SHANK2: variants seen among roughly 807,000 people sequenced by gnomAD.
SHANK2 encodes SH3 and multiple ankyrin repeat domains protein 2.
SHANK2 carries 43 observed loss-of-function variants against 133.7 expected under a neutral mutation model. That is an observed-to-expected ratio of 0.32 (90% CI 0.25 to 0.41). SHANK2 has a LOEUF of 0.41. SHANK2 is among the 10% of genes least tolerant of loss of function. SHANK2 has a pLI of 1.00. For synonymous variants in SHANK2, 1,017 were observed against 952.8 expected, an observed-to-expected ratio of 1.07 and a Z score of -1.24; for missense variants, 1,994 against 2,235.8, an observed-to-expected ratio of 0.89 and a Z score of 2.18.
chr11:70,485,240 A>G lies in SHANK2; in HGVS notation c.4979+74T>C. On this transcript the variant is annotated intron_variant, in intron 25 of 25. Transcript: ENST00000601538. This position sits in a 1 kb window ranked among gnomAD's most constrained non-coding sequence, Gnocchi z 5.8. ...CCTCTTCGTGTCCGCTGGGGCTGCT[A>G]CCCGAGGGCCTTTCCTGGTCAGCAG... 1 of 1,303,378 alleles carries G rather than the reference A, an allele frequency of 7.7e-7. No homozygotes were observed. Among genetic ancestry groups the G allele is most frequent in the Non-Finnish European group, 1.1e-6 (1 of 905,294 alleles). 80.7% of individuals were successfully genotyped at this position (1,303,378 alleles called of 1,614,324 possible).
At chr11:71,079,928 A>G in intron 8 of SHANK2, among the ~76,000 whole-genome samples, 1 of 123,670 alleles carries the variant, frequency 8.1e-6, no homozygotes, top group Admixed American at 8.0e-5. Context: ...AGGGGAGGGA[A>G]GGAGAGGAGA....
At chr11:70,699,434 C>G (rs1303731019) in intron 14 of SHANK2, among the ~76,000 whole-genome samples, 8 of 152,086 alleles carry the variant, frequency 5.3e-5, no homozygotes, top group Non-Finnish European at 1.0e-4. Context: ...AGACATAAAA[C>G]ATAGCAGCTC....
chr11:70,740,683 C>A (rs1946504843), intron 14 of SHANK2, among the ~76,000 whole-genome samples: 1 of 152,158 alleles, frequency 6.6e-6, no homozygotes, highest in South Asian at 2.1e-4. Flanking sequence ...GGTCTTTTGT[C>A]ACTTAAGCAG....
intron 17 of SHANK2, chr11:70,646,093 T>G (rs890158871): frequency 1.1e-4 from 16 of 152,242 alleles, no homozygotes; most frequent in Admixed American, 9.2e-4. Context: ...CCCAGAGCTG[T>G]GTGGACCCCC....
At chr11:71,146,831 A>C (rs1241217124) in intron 3 of SHANK2, among the ~76,000 whole-genome samples, 1 of 151,930 alleles carries the variant, frequency 6.6e-6, no homozygotes, top group Non-Finnish European at 1.5e-5. Context: ...CACCTCTGGG[A>C]CTCTTGCTTC....
Position 70,734,226 on chromosome 11 carries a change from C to T in SHANK2, c.1778-35463G>A, listed in dbSNP as rs574394490. Among the ~76,000 whole-genome samples, 189 of 152,218 alleles carry T rather than the reference C, an allele frequency of 1.2e-3. 1 individual carries two copies. Among genetic ancestry groups the T allele is most frequent in the African/African-American group, 4.2e-3 (176 of 41,540 alleles). On this transcript the variant is annotated intron_variant, in intron 14 of 25. Coordinates refer to ENST00000601538, the MANE Select transcript of SHANK2 (RefSeq NM_012309.5). ...TGGAGGCCCTTCCAGGGCACCGTGACGGGGGAACTGGCTATGCGAGGAGAT... is the reference window on the plus strand; with the variant it reads ...TGGAGGCCCTTCCAGGGCACCGTGATGGGGGAACTGGCTATGCGAGGAGAT...
chr11:70,851,706 TACTC>T (rs1388754448), intron 11 of SHANK2, among the ~76,000 whole-genome samples: 2 of 152,218 alleles, frequency 1.3e-5, no homozygotes, highest in African/African-American at 4.8e-5. Flanking sequence ...GATTTTTAGT[TACTC>T]ACAGCCAAAT....
chr11:71,126,229 A>AAAAAAG (rs1952183778), intron 3 of SHANK2, among the ~76,000 whole-genome samples: 7 of 151,192 alleles, frequency 4.6e-5, no homozygotes, highest in Non-Finnish European at 8.9e-5. Flanking sequence ...AAAAAAAAAA[A>AAAAAAG]AAAAAAAAAA....
At chr11:70,737,348 C>T (rs1181191139) in intron 14 of SHANK2, among the ~76,000 whole-genome samples, 5 of 152,232 alleles carry the variant, frequency 3.3e-5, no homozygotes, top group African/African-American at 7.2e-5. Flanking sequence ...GCAGCCCCAA[C>T]GGCTCTGAAA....
At chr11:70,806,851 G>T (rs1294361473) in intron 13 of SHANK2, 151 bp downstream of exon 13, 8 of 589,562 alleles carry the variant, frequency 1.4e-5, no homozygotes, top group Non-Finnish European at 2.4e-5. Context: ...AAGGGTCTGG[G>T]AACGTCACTC....
chr11:71,114,895 C>T (rs973577736), intron 4 of SHANK2, among the ~76,000 whole-genome samples: 1 of 152,062 alleles, frequency 6.6e-6, no homozygotes, highest in Admixed American at 6.6e-5. Flanking sequence ...CGCTTGGGCC[C>T]ACAGCATCTC....
intron 19 of SHANK2, 36 bp downstream of exon 19, chr11:70,502,170 G>A: frequency 6.5e-7 from 1 of 1,548,164 alleles, no homozygotes; most frequent in South Asian, 1.2e-5. Context: ...GACCGGCATG[G>A]TGACTGTACA....
chr11:70,861,551 C>A (rs1949257993), intron 11 of SHANK2, among the ~76,000 whole-genome samples: 1 of 151,784 alleles, frequency 6.6e-6, no homozygotes, highest in Admixed American at 6.5e-5. Context: ...ATAAAGCAGT[C>A]TTTTTGGGTT....
In SHANK2 at chr11:70,487,402, T is replaced by C; in HGVS notation, c.2891A>G (p.Glu964Gly). The change falls in exon 25 of 26, where the codon GAA (glutamate) becomes GGA (glycine). Residue 964 changes from glutamate to glycine, a missense_variant. Around this residue, in one of 5 missense-constraint regions of SHANK2, gnomAD observed 488 missense variants for 642.6 expected, o/e 0.76. Transcript: ENST00000601538. This position sits in a 1 kb window ranked among gnomAD's most constrained non-coding sequence, Gnocchi z 5.8. ...GCCGGCATTCCGACTGTAGAGGTCT[T>C]CAGAGTCCAAGGAGTAGCGGTCCAG... The part of the protein sequence containing the change: ...RELDRYSLDS[E>G]DLYSRNAGPQ... The C allele has an allele frequency of 6.2e-7, 1 of 1,614,152 alleles. No homozygotes were observed. Among genetic ancestry groups the C allele is most frequent in the South Asian group, 1.1e-5 (1 of 91,082 alleles).
intron 3 of SHANK2, among the ~76,000 whole-genome samples, 192 bp from the exon 4 acceptor site, chr11:71,119,224 T>G (rs1189350951): frequency 6.6e-6 from 1 of 151,936 alleles, no homozygotes; most frequent in Admixed American, 6.6e-5. Context: ...TCGGTAAATA[T>G]AAAAGGGAAA....
intron 10 of SHANK2, among the ~76,000 whole-genome samples, chr11:70,951,504 C>T (rs1590868119): frequency 6.6e-6 from 1 of 151,592 alleles, no homozygotes; most frequent in Non-Finnish European, 1.5e-5. Flanking sequence ...AAATTCATTT[C>T]CCCTGGCTGC....
intron 17 of SHANK2, among the ~76,000 whole-genome samples, chr11:70,528,213 C>A (rs1256777678): frequency 6.6e-6 from 1 of 152,232 alleles, no homozygotes; most frequent in Non-Finnish European, 1.5e-5. Flanking sequence ...CCCCAGGCGT[C>A]CCTGAGGTCT....
At chr11:70,522,017 G>C (rs982773801) in intron 17 of SHANK2, among the ~76,000 whole-genome samples, 38 of 152,186 alleles carry the variant, frequency 2.5e-4, no homozygotes, top group African/African-American at 9.2e-4. Flanking sequence ...CACATCTGTG[G>C]GGTTGCTGGC....
At chr11:71,177,406 C>T (rs1339207451) in intron 2 of SHANK2, among the ~76,000 whole-genome samples, 1 of 152,062 alleles carries the variant, frequency 6.6e-6, no homozygotes, top group East Asian at 1.9e-4. Flanking sequence ...AAAATGGAAG[C>T]ATATTATTGT....
Sources: allele counts gnomAD v4.1 joint callset (sites outside exome capture counted in the v4.1 genomes callset), GRCh38; gene constraint gnomAD v4.1.1; regional missense constraint gnomAD v4.1.1; non-coding constraint Gnocchi (gnomAD v3.1); transcripts MANE v1.5; gene names NCBI Gene and HGNC (gene_info 2026-07-23, HGNC 2026-07-21).